The following SKIC3 variants were observed in gnomAD, a reference collection of about 807,000 sequenced individuals.
The protein encoded by SKIC3 is superkiller complex protein 3.
the SKIC3 span, among the ~76,000 whole-genome samples, chr5:95,535,728 T>C: frequency 6.6e-6 from 1 of 152,152 alleles, no homozygotes; most frequent in African/African-American, 2.4e-5. Context: ...TACCAAGGAA[T>C]TTTCCTTCAC....
At chr5:95,484,907 T>C in the SKIC3 span, 2 of 1,572,024 alleles carry the variant, frequency 1.3e-6, no homozygotes, top group Middle Eastern at 1.7e-4. Flanking sequence ...CTTAGAGGAG[T>C]AACTGGTTGC....
At chr5:95,477,566 T>C in the SKIC3 span, among the ~76,000 whole-genome samples, 2 of 152,132 alleles carry the variant, frequency 1.3e-5, no homozygotes, top group Admixed American at 1.3e-4. Context: ...TATCAAAAGA[T>C]ATAAAATGAA....
At chr5:95,498,053 C>G in the SKIC3 span, among the ~76,000 whole-genome samples, 1 of 152,040 alleles carries the variant, frequency 6.6e-6, no homozygotes, top group African/African-American at 2.4e-5. Flanking sequence ...ATTACTAAAA[C>G]CATCAATCTA....
the SKIC3 span, among the ~76,000 whole-genome samples, chr5:95,518,316 T>G: frequency 4.8e-3 from 728 of 152,230 alleles, 3 homozygotes; most frequent in African/African-American, 0.016. Flanking sequence ...GTGTTAGGAA[T>G]GTTCACTATC....
At chr5:95,475,514 G>T in the SKIC3 span, among the ~76,000 whole-genome samples, 1 of 152,008 alleles carries the variant, frequency 6.6e-6, no homozygotes, top group Non-Finnish European at 1.5e-5. Flanking sequence ...GTTTCCTGAG[G>T]TCTCCCCAGA....
chr5:95,496,636 T>C, the SKIC3 span, among the ~76,000 whole-genome samples: 1 of 152,184 alleles, frequency 6.6e-6, no homozygotes, highest in African/African-American at 2.4e-5. Flanking sequence ...GAAAGGCACC[T>C]TAATTCTAGG....
chr5:95,536,689 C>A, the SKIC3 span: 1 of 799,498 alleles, frequency 1.3e-6, no homozygotes, highest in Non-Finnish European at 2.2e-6. Flanking sequence ...CATTATACTT[C>A]TTTTTATGTC....
the SKIC3 span, chr5:95,497,410 C>T: frequency 1.9e-6 from 3 of 1,610,742 alleles, no homozygotes; most frequent in Non-Finnish European, 2.5e-6. Context: ...TGAAACGTTA[C>T]TTTACCTTTG....
At chr5:95,498,483 C>T in the SKIC3 span, 5 of 1,614,080 alleles carry the variant, frequency 3.1e-6, no homozygotes, top group African/African-American at 1.3e-5. Context: ...GTTTGATGTG[C>T]TTCAGTAACT....
the SKIC3 span, among the ~76,000 whole-genome samples, chr5:95,508,080 A>C: frequency 6.6e-6 from 1 of 152,118 alleles, no homozygotes; most frequent in Non-Finnish European, 1.5e-5. Flanking sequence ...ATATACACTC[A>C]TTTTCATATA....
the SKIC3 span, chr5:95,503,819 C>G: frequency 6.2e-7 from 1 of 1,613,702 alleles, no homozygotes; most frequent in Non-Finnish European, 8.5e-7. Context: ...CTTACCTTTG[C>G]TGCTCTCTTT....
the SKIC3 span, chr5:95,497,579 T>C: frequency 1.1e-6 from 1 of 941,882 alleles, no homozygotes; most frequent in Non-Finnish European, 1.7e-6. Context: ...TTAAAACTTT[T>C]CTTAATATCT....
the SKIC3 span, chr5:95,509,662 A>C: frequency 1.2e-6 from 2 of 1,613,568 alleles, no homozygotes; most frequent in Non-Finnish European, 1.7e-6. Flanking sequence ...ACATTGTGAA[A>C]GCTGGGGCAT....
chr5:95,492,976 T>C, the SKIC3 span, among the ~76,000 whole-genome samples: 1 of 152,084 alleles, frequency 6.6e-6, no homozygotes, highest in Non-Finnish European at 1.5e-5. Flanking sequence ...TCTAAGATAA[T>C]ATATAAACTA....
the SKIC3 span, chr5:95,528,156 A>G: frequency 6.2e-7 from 1 of 1,613,668 alleles, no homozygotes; most frequent in Non-Finnish European, 8.5e-7. Flanking sequence ...TTCAGAGCTG[A>G]CAAAATTAAG....
the SKIC3 span, among the ~76,000 whole-genome samples, chr5:95,548,336 G>C: frequency 6.6e-6 from 1 of 151,944 alleles, no homozygotes. Flanking sequence ...AGAAGTATGA[G>C]ACCAAAGAAG....
the SKIC3 span, chr5:95,547,198 A>G: frequency 3.9e-6 from 6 of 1,547,542 alleles, no homozygotes; most frequent in Non-Finnish European, 5.3e-6. Flanking sequence ...TACCTACCCA[A>G]TCGTAAATGT....
At chr5:95,529,090 C>A in the SKIC3 span, 1 of 1,613,576 alleles carries the variant, frequency 6.2e-7, no homozygotes, top group Non-Finnish European at 8.5e-7. Flanking sequence ...GCAGACAGGG[C>A]TTTCCTTTAA....
the SKIC3 span, chr5:95,529,968 C>T: frequency 3.4e-6 from 4 of 1,178,452 alleles, no homozygotes; most frequent in South Asian, 4.0e-5. Context: ...CCAAGGTATG[C>T]AGGTACATTT....
Sources: allele counts gnomAD v4.1 joint callset (sites outside exome capture counted in the v4.1 genomes callset), GRCh38; gene constraint gnomAD v4.1.1; transcripts MANE v1.5; gene names NCBI Gene and HGNC (gene_info 2026-07-23, HGNC 2026-07-21).